Variants in PLCB4 observed in about 807,000 individuals in gnomAD.
PLCB4 encodes phospholipase C beta 4.
PLCB4 carries 77 observed loss-of-function variants against 178.8 expected under a neutral mutation model. The observed-to-expected ratio is 0.43, with a 90% CI of 0.36 to 0.52. The LOEUF is 0.52. Among genes scored for constraint, PLCB4 ranks in the 20% least tolerant of loss-of-function variants. The pLI, the probability that PLCB4 is intolerant of heterozygous loss-of-function variation, is 0.00. For synonymous variants in PLCB4, 496 were observed against 490.8 expected (o/e 1.01, Z -0.14); for missense variants, 1,024 against 1,453.4 (o/e 0.70, Z 4.80).
At chr20:9,109,172 G>T (rs557492234) in intron 2 of PLCB4, among the ~76,000 whole-genome samples, 2 of 152,092 alleles carry the variant, frequency 1.3e-5, no homozygotes, top group Non-Finnish European at 2.9e-5. Flanking sequence ...TGTATCCCTG[G>T]GTCTAAAGTA....
chr20:9,147,344 A>G (rs2092615747), intron 2 of PLCB4, among the ~76,000 whole-genome samples: 1 of 152,190 alleles, frequency 6.6e-6, no homozygotes, highest in Non-Finnish European at 1.5e-5. Context: ...GCTAAGGACT[A>G]GTATTCCAAG....
At chr20:9,312,816 A>G (rs1426765117) in intron 4 of PLCB4, among the ~76,000 whole-genome samples, 1 of 152,234 alleles carries the variant, frequency 6.6e-6, no homozygotes, top group African/African-American at 2.4e-5. Context: ...AAGTTTTGTC[A>G]ATTAGATACA....
chr20:9,438,017 C>A (rs959697648), intron 30 of PLCB4, among the ~76,000 whole-genome samples: 1 of 151,866 alleles, frequency 6.6e-6, no homozygotes, highest in African/African-American at 2.4e-5. Context: ...ATGATAGGGG[C>A]AAGGAAATCT....
At chr20:9,372,256 A>C (rs769428755) in intron 10 of PLCB4, 47 bp from the exon 11 acceptor site, 52 of 1,113,174 alleles carry the variant, frequency 4.7e-5, no homozygotes, top group Admixed American at 7.2e-5. Context: ...TCACCCTCCA[A>C]GGGAAAAACG....
At chr20:9,429,900 ACT>A (rs2041277634) in intron 28 of PLCB4, among the ~76,000 whole-genome samples, 1 of 152,030 alleles carries the variant, frequency 6.6e-6, no homozygotes, top group Non-Finnish European at 1.5e-5. Flanking sequence ...TTGTTCTATA[ACT>A]CCAGCTACAG....
intron 28 of PLCB4, among the ~76,000 whole-genome samples, chr20:9,430,101 TAAAA>T (rs1415914186): frequency 6.6e-6 from 1 of 151,918 alleles, no homozygotes; most frequent in East Asian, 1.9e-4. Flanking sequence ...AAAATAAAAA[TAAAA>T]AAAGTTTGTG....
intron 2 of PLCB4, among the ~76,000 whole-genome samples, chr20:9,159,456 A>G (rs2092846376): frequency 6.6e-6 from 1 of 152,182 alleles, no homozygotes; most frequent in African/African-American, 2.4e-5. Flanking sequence ...TTTAAAATAA[A>G]GAGATTTAGC....
Position 9,387,574 on chromosome 20 carries a change from T to A in PLCB4, c.1158+18T>A. On this transcript the variant is annotated intron_variant, in intron 15 of 39. Transcript: ENST00000378473. Reference sequence around the variant, plus strand: ...TTTTTAAGGTAACTTTAAAAATAATTACACAGACTTTTCCAAACTCTGTGA... The same window carrying A: ...TTTTTAAGGTAACTTTAAAAATAATAACACAGACTTTTCCAAACTCTGTGA... The A allele has an allele frequency of 8.4e-7, 1 of 1,189,470 alleles. No individual in the cohort carries two copies. Among genetic ancestry groups the A allele is most frequent in the Non-Finnish European group, 1.2e-6 (1 of 813,718 alleles). 73.7% of individuals were successfully genotyped at this position (1,189,470 alleles called of 1,614,324 possible).
intron 2 of PLCB4, among the ~76,000 whole-genome samples, chr20:9,188,349 C>T (rs941930302): frequency 1.3e-5 from 2 of 152,190 alleles, no homozygotes; most frequent in African/African-American, 4.8e-5. Flanking sequence ...GTGGGAGTCA[C>T]TTGTCATGTG....
Position 9,094,618 on chromosome 20 carries a change from T to C in PLCB4, c.-134-1669T>C, listed in dbSNP as rs549137870. Among the ~76,000 whole-genome samples, 8 of 152,306 alleles carry C rather than the reference T, an allele frequency of 5.3e-5. No homozygotes were observed. The East Asian group carries it at 1.5e-3, about 29-fold the overall frequency. On this transcript the variant is annotated intron_variant, in intron 1 of 39. Transcript: ENST00000378473. ...TATCCATCATTACACTGTAACAAAC[T>C]CATGGCAGTTTCGTTTCATCCATTA...
At chr20:9,453,321 C>T (rs759513122) in intron 32 of PLCB4, 26 bp from the exon 33 acceptor site, 2 of 1,392,970 alleles carry the variant, frequency 1.4e-6, no homozygotes, top group Middle Eastern at 1.8e-4. Flanking sequence ...GAGTCCAATT[C>T]ATAACTGCAA....
chr20:9,216,861 G>A (rs1329972777), intron 2 of PLCB4, among the ~76,000 whole-genome samples: 1 of 152,046 alleles, frequency 6.6e-6, no homozygotes, highest in African/African-American at 2.4e-5. Flanking sequence ...ACCTTGAAAA[G>A]ATCCTGAAAT....
chr20:9,328,506 A>G (rs1177050300), intron 4 of PLCB4, among the ~76,000 whole-genome samples: 1 of 152,240 alleles, frequency 6.6e-6, no homozygotes, highest in Non-Finnish European at 1.5e-5. Context: ...AAAACACTTC[A>G]GAAACCCATC....
At chr20:9,339,137 G>A (rs2032877637) in intron 7 of PLCB4, 100 bp downstream of exon 7, 2 of 908,586 alleles carry the variant, frequency 2.2e-6, no homozygotes, top group African/African-American at 1.7e-5. Flanking sequence ...AAATTGTATG[G>A]TAATTTAAAA....
intron 1 of PLCB4, among the ~76,000 whole-genome samples, chr20:9,075,812 T>G (rs959789748): frequency 2.0e-5 from 3 of 152,188 alleles, no homozygotes; most frequent in Admixed American, 6.5e-5. Flanking sequence ...CATTTTAAAA[T>G]GTTTGGAAAT....
intron 1 of PLCB4, among the ~76,000 whole-genome samples, chr20:9,071,182 G>A (rs2089554145): frequency 6.6e-6 from 1 of 152,124 alleles, no homozygotes; most frequent in African/African-American, 2.4e-5. Flanking sequence ...TTAAAAATTT[G>A]TATCACCTCT....
intron 28 of PLCB4, among the ~76,000 whole-genome samples, chr20:9,435,328 T>A (rs2041694835): frequency 2.0e-5 from 3 of 152,234 alleles, no homozygotes; most frequent in Admixed American, 1.3e-4. Context: ...AAAAACTTTG[T>A]ATCAGGAAAA....
In PLCB4 at chr20:9,135,415, G is replaced by A. The variant is rs2092362251; in HGVS notation, c.-79+39073G>A. Among the ~76,000 whole-genome samples the A allele has an allele frequency of 1.3e-5, 2 of 152,054 alleles. 1 individual carries two copies. Among genetic ancestry groups the A allele is most frequent in the South Asian group, 4.2e-4 (2 of 4,818 alleles). Reference sequence around the variant, plus strand: ...GGAATATCCTGGGTCTGCCTCTCTTGGAAGTGCTGTGTTGGGTGTGAGGAA... The same window carrying A: ...GGAATATCCTGGGTCTGCCTCTCTTAGAAGTGCTGTGTTGGGTGTGAGGAA... On this transcript the variant is annotated intron_variant, in intron 2 of 39. Coordinates refer to ENST00000378473, the MANE Select transcript of PLCB4 (RefSeq NM_001377142.1).
intron 4 of PLCB4, among the ~76,000 whole-genome samples, chr20:9,317,819 G>A (rs1210812432): frequency 2.0e-5 from 3 of 152,166 alleles, no homozygotes; most frequent in South Asian, 2.1e-4. Context: ...AAGAGTTTGG[G>A]CAGGCGTGGT....
Sources: gnomAD v4.1 joint callset for allele counts (sites outside exome capture counted in the v4.1 genomes callset) on GRCh38, gnomAD v4.1.1 for gene constraint, MANE v1.5 for transcripts, NCBI Gene and HGNC (gene_info 2026-07-23, HGNC 2026-07-21) for gene names.